Variants in MTUS2 observed in about 807,000 individuals in gnomAD.
The protein encoded by MTUS2 is microtubule associated scaffold protein 2, also known as microtubule-associated tumor suppressor candidate 2.
MTUS2 carries 40 observed loss-of-function variants against 114.1 expected under a neutral mutation model. The ratio of observed to expected loss-of-function variants is 0.35; its 90% CI spans 0.27 to 0.46. The LOEUF (loss-of-function observed/expected upper bound fraction) is 0.46. MTUS2 is among the 20% of genes least tolerant of loss of function. The probability of loss-of-function intolerance (pLI) is 1.00; values close to 1 mark genes in which losing one functional copy is unlikely to be tolerated. For synonymous variants in MTUS2, 688 were observed against 672.0 expected (o/e 1.02, Z -0.37); for missense variants, 1,679 against 1,705.4 (o/e 0.98, Z 0.27).
chr13:29,252,755 A>G (rs1897165537), intron 5 of MTUS2, among the ~76,000 whole-genome samples: 1 of 152,096 alleles, frequency 6.6e-6, no homozygotes, highest in African/African-American at 2.4e-5. Context: ...ATGGTAGTGA[A>G]TAAGTCTCAC....
chr13:29,334,513 A>G (rs1216414227), intron 7 of MTUS2, among the ~76,000 whole-genome samples: 3 of 152,148 alleles, frequency 2.0e-5, no homozygotes, highest in Non-Finnish European at 4.4e-5. Context: ...TTCTTTAAGC[A>G]TGTTGAATAT....
chr13:28,863,333 T>G (rs1877105299), intron 2 of MTUS2, among the ~76,000 whole-genome samples: 1 of 152,216 alleles, frequency 6.6e-6, no homozygotes, highest in South Asian at 2.1e-4. Context: ...GTTTCAAACC[T>G]TTCAGGTCCT....
At position 29,480,945 on chromosome 13, in the gene MTUS2, C is replaced by T. The variant is rs1010764578; in HGVS notation, c.3399+581C>T. Among the ~76,000 whole-genome samples, 2 of 152,106 alleles carry T rather than the reference C, an allele frequency of 1.3e-5. No individual in the cohort carries two copies. Among genetic ancestry groups the T allele is most frequent in the African/African-American group, 4.8e-5 (2 of 41,386 alleles). Reference sequence around the variant, plus strand: ...AACGAGGAAGGTACCATTCTTATTCCCATTTTACACGGAAGAAAGCCAAGC... The same window carrying T: ...AACGAGGAAGGTACCATTCTTATTCTCATTTTACACGGAAGAAAGCCAAGC... On this transcript the variant is annotated intron_variant, in intron 10 of 15. Coordinates refer to ENST00000612955, the MANE Select transcript of MTUS2 (RefSeq NM_001033602.4). The surrounding 1 kb of genome is among the most constrained non-coding windows in gnomAD (Gnocchi z 4.4).
chr13:29,088,760 A>AT (rs1358190259), intron 4 of MTUS2, among the ~76,000 whole-genome samples: 2 of 152,048 alleles, frequency 1.3e-5, no homozygotes, highest in South Asian at 4.2e-4. Context: ...ATCATAGTCT[A>AT]TTTTTTTCTA....
chr13:29,305,558 G>T (rs1899409990), intron 6 of MTUS2, among the ~76,000 whole-genome samples: 1 of 151,924 alleles, frequency 6.6e-6, no homozygotes, highest in African/African-American at 2.4e-5. Context: ...AAATTCTTGG[G>T]TGCATACACC....
At chr13:29,155,116 T>C (rs976561794) in intron 5 of MTUS2, among the ~76,000 whole-genome samples, 13 of 152,184 alleles carry the variant, frequency 8.5e-5, no homozygotes, top group African/African-American at 3.1e-4. Flanking sequence ...ATTCTCATGG[T>C]TAGGAAGGTT....
intron 2 of MTUS2, among the ~76,000 whole-genome samples, chr13:28,885,551 C>A (rs1296354302): frequency 6.6e-6 from 1 of 152,192 alleles, no homozygotes; most frequent in East Asian, 1.9e-4. Flanking sequence ...GGAGAGGCAT[C>A]AAAGTATGGA....
chr13:28,987,366 G>A (rs894602063), intron 2 of MTUS2, among the ~76,000 whole-genome samples: 5 of 152,132 alleles, frequency 3.3e-5, no homozygotes, highest in African/African-American at 1.2e-4. Flanking sequence ...GCACCATGAG[G>A]TCATTGGTCT....
intron 8 of MTUS2, among the ~76,000 whole-genome samples, chr13:29,428,197 C>T (rs577610591): frequency 6.6e-6 from 1 of 152,348 alleles, no homozygotes; most frequent in East Asian, 1.9e-4. Context: ...GAGAAATTGG[C>T]GGTTCCCATT....
chr13:29,324,765 A>G (rs1404009846), intron 7 of MTUS2, 54 bp downstream of exon 7: 13 of 1,362,304 alleles, frequency 9.5e-6, no homozygotes, highest in Non-Finnish European at 1.3e-5. Flanking sequence ...CTTGGAATTT[A>G]TCTTATTCAG....
chr13:28,874,851 A>G (rs557088829), intron 2 of MTUS2, among the ~76,000 whole-genome samples: 1 of 152,286 alleles, frequency 6.6e-6, no homozygotes, highest in South Asian at 2.1e-4. Context: ...TTCATCATTT[A>G]TTATGAAAAT....
chr13:29,034,251 CAT>C, intron 4 of MTUS2, 126 bp downstream of exon 4: 1 of 1,273,916 alleles, frequency 7.8e-7, no homozygotes, highest in Non-Finnish European at 1.1e-6. Flanking sequence ...TCTGTTCTTC[CAT>C]ATGTCTGTAG....
chr13:29,165,460 T>C (rs944105385), intron 5 of MTUS2, among the ~76,000 whole-genome samples: 3 of 152,244 alleles, frequency 2.0e-5, no homozygotes, highest in African/African-American at 4.8e-5. Flanking sequence ...CCATAGTTGC[T>C]TAAGAGCTGG....
At chr13:28,900,848 T>A (rs1315297808) in intron 2 of MTUS2, among the ~76,000 whole-genome samples, 2 of 152,230 alleles carry the variant, frequency 1.3e-5, no homozygotes, top group Non-Finnish European at 2.9e-5. Flanking sequence ...GCGCTTAACA[T>A]TCATGTGCAG....
chr13:28,859,178 G>T (rs569877285), intron 2 of MTUS2, among the ~76,000 whole-genome samples: 1 of 152,270 alleles, frequency 6.6e-6, no homozygotes, highest in Admixed American at 6.5e-5. Context: ...AGAAGTTGAG[G>T]CCTAGTGGGG....
chr13:28,953,944 A>G (rs1181375622), intron 2 of MTUS2, among the ~76,000 whole-genome samples: 1 of 152,222 alleles, frequency 6.6e-6, no homozygotes, highest in African/African-American at 2.4e-5. Context: ...CAGATGTTAA[A>G]ACATACTATA....
intron 5 of MTUS2, among the ~76,000 whole-genome samples, chr13:29,148,330 T>TTAGCTG (rs1352787230): frequency 1.3e-5 from 2 of 152,032 alleles, no homozygotes; most frequent in African/African-American, 2.4e-5. Flanking sequence ...CCAGCATCCA[T>TTAGCTG]TAGCTGTTCT....
intron 5 of MTUS2, among the ~76,000 whole-genome samples, chr13:29,170,931 G>A (rs948164262): frequency 1.9e-4 from 29 of 152,170 alleles, no homozygotes; most frequent in Admixed American, 1.8e-3. Context: ...CTTGAATGGC[G>A]AGGGAGTGTG....
intron 2 of MTUS2, among the ~76,000 whole-genome samples, chr13:28,873,940 T>C (rs1877776501): frequency 6.6e-6 from 1 of 152,266 alleles, no homozygotes; most frequent in Non-Finnish European, 1.5e-5. Context: ...GTTATCCTGC[T>C]CTCTAATCAA....
Sources: allele counts gnomAD v4.1 joint callset (sites outside exome capture counted in the v4.1 genomes callset), GRCh38; gene constraint gnomAD v4.1.1; non-coding constraint Gnocchi (gnomAD v3.1); transcripts MANE v1.5; gene names NCBI Gene and HGNC (gene_info 2026-07-23, HGNC 2026-07-21).